Variants in MAML2 observed in about 807,000 individuals in gnomAD.
MAML2 encodes the protein mastermind-like protein 2.
Under a neutral mutation model 96.1 loss-of-function variants are expected in MAML2, and 22 were observed. The ratio of observed to expected loss-of-function variants is 0.23; its 90% CI spans 0.16 to 0.33. The LOEUF (loss-of-function observed/expected upper bound fraction) is 0.33, where lower values mean the gene tolerates loss of function less well. MAML2 is among the 10% of genes least tolerant of loss of function. The pLI, the probability that MAML2 is intolerant of heterozygous loss-of-function variation, is 1.00. For missense variants in MAML2, 1,367 were observed against 1,392.4 expected (o/e 0.98, Z 0.29); for synonymous variants, 561 against 521.3 (o/e 1.08, Z -1.04).
chr11:96,299,267 C>CA (rs55634182), intron 1 of MAML2, among the ~76,000 whole-genome samples: 149,663 of 149,676 alleles, frequency 1, 74,825 homozygotes, highest in Middle Eastern at 1. Flanking sequence ...GAAAGAGAGG[C>CA]ACAAGTTAAA....
intron 1 of MAML2, among the ~76,000 whole-genome samples, chr11:96,239,177 G>A (rs1591089567): frequency 1.3e-5 from 2 of 152,352 alleles, no homozygotes; most frequent in African/African-American, 4.8e-5. Flanking sequence ...CTGCCATAAA[G>A]TAAATGTGGT....
chr11:96,014,586 C>A (rs1858314587), intron 2 of MAML2, among the ~76,000 whole-genome samples: 1 of 152,194 alleles, frequency 6.6e-6, no homozygotes, highest in Admixed American at 6.5e-5. Flanking sequence ...TGACTCAATT[C>A]AACTTGTAGT....
chr11:96,265,096 G>A (rs1004841145), intron 1 of MAML2, among the ~76,000 whole-genome samples: 1 of 152,180 alleles, frequency 6.6e-6, no homozygotes. Context: ...CAAATACATA[G>A]TGTCAGCTGA....
intron 1 of MAML2, among the ~76,000 whole-genome samples, chr11:96,222,281 G>A (rs1223526646): frequency 2.6e-5 from 4 of 152,156 alleles, no homozygotes; most frequent in Non-Finnish European, 4.4e-5. Flanking sequence ...TTTATTAAAG[G>A]ACACGTGGTC....
intron 1 of MAML2, among the ~76,000 whole-genome samples, chr11:96,096,254 A>G (rs1859826317): frequency 1.3e-5 from 2 of 152,212 alleles, no homozygotes; most frequent in African/African-American, 4.8e-5. Context: ...CGCTCTGGGA[A>G]ACAGCACTCA....
chr11:96,084,958 C>A (rs1039837675), intron 2 of MAML2, among the ~76,000 whole-genome samples: 2 of 152,184 alleles, frequency 1.3e-5, no homozygotes, highest in African/African-American at 2.4e-5. Context: ...ACAGGTCAAC[C>A]ACCCCTGTTC....
At chr11:96,309,894 G>C (rs1490190292) in intron 1 of MAML2, among the ~76,000 whole-genome samples, 1 of 151,774 alleles carries the variant, frequency 6.6e-6, no homozygotes, top group Non-Finnish European at 1.5e-5. Context: ...GTAGAGATGG[G>C]TTTTTGCCAT....
At chr11:96,124,693 G>A (rs529362041) in intron 1 of MAML2, among the ~76,000 whole-genome samples, 148 of 152,228 alleles carry the variant, frequency 9.7e-4, no homozygotes, top group Non-Finnish European at 1.6e-3. Flanking sequence ...GTGTGTGTGC[G>A]TGTGTGTGAG....
At chr11:96,045,212 G>A (rs1858877511) in intron 2 of MAML2, among the ~76,000 whole-genome samples, 1 of 152,174 alleles carries the variant, frequency 6.6e-6, no homozygotes, top group Non-Finnish European at 1.5e-5. Flanking sequence ...CCCGTACTGA[G>A]CAAAGTCATT....
Position 96,281,384 on chromosome 11 carries a change from G to A in MAML2, c.513+59999C>T, listed in dbSNP as rs1315630042. Among the ~76,000 whole-genome samples the A allele has an allele frequency of 2.6e-5, 4 of 152,156 alleles. No individual in the cohort carries two copies. In the East Asian group the frequency reaches 7.7e-4, roughly 29 times the overall value. On this transcript the variant is annotated intron_variant, in intron 1 of 4. Transcript: ENST00000524717. Reference sequence around the variant, plus strand: ...CCGCTAGGGGTGAATATTTCTGTTGGGGTCCAGGTCTGCTCTGGCTGGGGA... The same window carrying A: ...CCGCTAGGGGTGAATATTTCTGTTGAGGTCCAGGTCTGCTCTGGCTGGGGA...
At chr11:96,256,429 G>A (rs1035289580) in intron 1 of MAML2, among the ~76,000 whole-genome samples, 1 of 152,074 alleles carries the variant, frequency 6.6e-6, no homozygotes. Flanking sequence ...CCCACACACA[G>A]CCTTTGCTCT....
At chr11:96,211,064 G>T (rs1007102701) in intron 1 of MAML2, among the ~76,000 whole-genome samples, 2 of 151,960 alleles carry the variant, frequency 1.3e-5, no homozygotes, top group African/African-American at 4.8e-5. Context: ...TCAGAAATTT[G>T]GAGTCAGATT....
Position 96,067,087 on chromosome 11 carries a change from G to A in MAML2, c.2139+24805C>T, listed in dbSNP as rs772240844. 7.2e-5 allele frequency among the ~76,000 whole-genome samples: 11 copies of A among 152,302 alleles called. No homozygotes were observed. The South Asian group carries it at 1.0e-3, about 14-fold the overall frequency. On this transcript the variant is annotated intron_variant, in intron 2 of 4. Transcript: ENST00000524717. ...CACCTAGTGAGATGGGAAACCAGTGGAGGGTTCTGAGTGGGGAGGAGACAT... is the reference window on the plus strand; with the variant it reads ...CACCTAGTGAGATGGGAAACCAGTGAAGGGTTCTGAGTGGGGAGGAGACAT...
intron 2 of MAML2, among the ~76,000 whole-genome samples, chr11:96,090,847 A>G (rs754492288): frequency 1.4e-4 from 21 of 152,208 alleles, no homozygotes; most frequent in Non-Finnish European, 2.8e-4. Context: ...AATAGCCACG[A>G]AAACTACTCT....
intron 1 of MAML2, among the ~76,000 whole-genome samples, chr11:96,138,163 A>T (rs1756859977): frequency 6.6e-6 from 1 of 152,214 alleles, no homozygotes; most frequent in Admixed American, 6.5e-5. Context: ...CAAAGATTTG[A>T]ACACCCAAAA....
intron 1 of MAML2, among the ~76,000 whole-genome samples, chr11:96,114,987 G>A (rs531222166): frequency 1.3e-5 from 2 of 152,280 alleles, no homozygotes; most frequent in Admixed American, 1.3e-4. Context: ...GTTAGAAACT[G>A]AGCTGTCAGA....
At chr11:96,243,717 G>A (rs1483839322) in intron 1 of MAML2, among the ~76,000 whole-genome samples, 1 of 149,712 alleles carries the variant, frequency 6.7e-6, no homozygotes, top group Non-Finnish European at 1.5e-5. Context: ...GCAGTGGCGC[G>A]ATGTTGTCTC....
Position 96,148,715 on chromosome 11 carries a change from C to T in MAML2, c.514-55198G>A, listed in dbSNP as rs572859592. ...ACACACACACACACACACATAAGCA[C>T]GCACACTACCTGATAGGAGAAGGCA... On this transcript the variant is annotated intron_variant, in intron 1 of 4. Transcript: ENST00000524717. Among the ~76,000 whole-genome samples the T allele has an allele frequency of 1.9e-4, 27 of 144,782 alleles. 1 individual carries two copies. The highest frequency in any genetic ancestry group is 7.7e-4 in the Admixed American group (11 of 14,364). 95.0% of individuals were successfully genotyped at this position (144,782 alleles called of 152,430 possible).
At chr11:96,291,686 G>T (rs1863212958) in intron 1 of MAML2, among the ~76,000 whole-genome samples, 1 of 152,132 alleles carries the variant, frequency 6.6e-6, no homozygotes, top group Admixed American at 6.6e-5. Flanking sequence ...GTGTATTTGT[G>T]TGATATTGTA....
Sources: gnomAD v4.1 joint callset for allele counts (sites outside exome capture counted in the v4.1 genomes callset) on GRCh38, gnomAD v4.1.1 for gene constraint, MANE v1.5 for transcripts, NCBI Gene and HGNC (gene_info 2026-07-23, HGNC 2026-07-21) for gene names.